The following SIPA1L2 variants were observed in gnomAD, a reference collection of about 807,000 sequenced individuals.
The protein encoded by SIPA1L2 is signal-induced proliferation-associated 1-like protein 2.
SIPA1L2 carries 56 observed loss-of-function variants against 163.9 expected under a neutral mutation model. That is an observed-to-expected ratio of 0.34 (90% CI 0.28 to 0.43). SIPA1L2 has a LOEUF of 0.43. Among genes scored for constraint, SIPA1L2 ranks in the 20% least tolerant of loss-of-function variants. The pLI is 1.00. For synonymous variants in SIPA1L2, 877 were observed against 865.7 expected, an observed-to-expected ratio of 1.01 and a Z score of -0.23; for missense variants, 1,974 against 2,193.5, an observed-to-expected ratio of 0.90 and a Z score of 2.00.
intron 1 of SIPA1L2, among the ~76,000 whole-genome samples, chr1:232,629,577 G>C (rs950157314): frequency 6.6e-6 from 1 of 152,226 alleles, no homozygotes; most frequent in African/African-American, 2.4e-5. Flanking sequence ...CCTCCTCAGT[G>C]CCTGTGTCGC....
intron 1 of SIPA1L2, among the ~76,000 whole-genome samples, chr1:232,629,251 C>T (rs1663239432): frequency 6.6e-6 from 1 of 152,170 alleles, no homozygotes; most frequent in South Asian, 2.1e-4. Context: ...TGTAGGTGTT[C>T]CCAGGGATAT....
chr1:232,524,035 T>C lies in SIPA1L2; in HGVS notation c.-269-8427A>G, dbSNP rs1165024255. On this transcript the variant is annotated intron_variant, in intron 2 of 22. Transcript: ENST00000674635. The stretch of plus-strand genomic sequence containing the variant: ...CACTACTCACACACACTGAAAGCCA[T>C]CTTTGCACTGTTCCCATATTTACTT... 3.3e-5 allele frequency among the ~76,000 whole-genome samples: 5 copies of C among 152,318 alleles called. No homozygotes were observed. The East Asian group carries it at 5.8e-4, about 18-fold the overall frequency.
At chr1:232,402,719 A>G (rs985866158) in intron 21 of SIPA1L2, 27 of 304,228 alleles carry the variant, frequency 8.9e-5, no homozygotes, top group Non-Finnish European at 1.4e-4. Flanking sequence ...AACAAAAGAT[A>G]TATTATTTAA....
Position 232,536,671 on chromosome 1 carries a change from G to C in SIPA1L2, c.-269-21063C>G, listed in dbSNP as rs184479343. ...GAAAAATAAAACAAACAAACAAAAC[G>C]ACAGAAGTTCTAAGTCTAATAAGCT... On this transcript the variant is annotated intron_variant, in intron 2 of 22. Transcript: ENST00000674635. Among the ~76,000 whole-genome samples, 72 of 152,184 alleles carry C rather than the reference G, an allele frequency of 4.7e-4. 1 individual carries two copies. Among genetic ancestry groups the C allele is most frequent in the Non-Finnish European group, 3.2e-4 (22 of 67,998 alleles).
chr1:232,586,764 G>A (rs1032189127), intron 1 of SIPA1L2, among the ~76,000 whole-genome samples: 13 of 152,174 alleles, frequency 8.5e-5, no homozygotes, highest in Non-Finnish European at 1.9e-4. Flanking sequence ...GTTACAATGC[G>A]AAACTGCTGG....
In SIPA1L2 at chr1:232,554,513, G is replaced by A. The variant is rs1658584823; in HGVS notation, c.-270+19661C>T. On this transcript the variant is annotated intron_variant, in intron 2 of 22. Transcript: ENST00000674635. ...TTTCCACAATGCTACCCTAAAAATA[G>A]TTCCCTTTAGTCTTTCTCAGGATAC... Among the ~76,000 whole-genome samples the A allele has an allele frequency of 3.9e-5, 6 of 152,194 alleles. No homozygotes were observed. In the South Asian group the frequency reaches 1.2e-3, roughly 31 times the overall value.
chr1:232,497,868 A>G (rs1666279936), intron 3 of SIPA1L2, among the ~76,000 whole-genome samples: 1 of 151,948 alleles, frequency 6.6e-6, no homozygotes, highest in African/African-American at 2.4e-5. Context: ...TCTCCTTTAC[A>G]TTCCTCAGTG....
intron 3 of SIPA1L2, among the ~76,000 whole-genome samples, chr1:232,510,472 C>A (rs952356819): frequency 3.9e-5 from 6 of 152,116 alleles, no homozygotes; most frequent in African/African-American, 1.4e-4. Context: ...CGTACATCCA[C>A]CCACAATTCA....
At chr1:232,425,846 T>C (rs1558166065) in intron 17 of SIPA1L2, 38 bp from the exon 18 acceptor site, 2 of 1,571,084 alleles carry the variant, frequency 1.3e-6, no homozygotes, top group Non-Finnish European at 1.7e-6. Context: ...GAACAGACAT[T>C]AAAAAAACGA....
At chr1:232,508,313 G>A in intron 3 of SIPA1L2, among the ~76,000 whole-genome samples, 1 of 152,124 alleles carries the variant, frequency 6.6e-6, no homozygotes, top group Non-Finnish European at 1.5e-5. Context: ...TCTGGTCTGG[G>A]TGGCATAAAG....
chr1:232,441,200 G>C, intron 14 of SIPA1L2, 91 bp downstream of exon 14: 1 of 953,302 alleles, frequency 1.0e-6, no homozygotes, highest in South Asian at 2.0e-5. Flanking sequence ...ATGTGCTCTT[G>C]AGCATCCCCA....
chr1:232,465,516 AT>A lies in SIPA1L2; in HGVS notation c.2244-101del. 2 of 608,192 alleles carry A rather than the reference AT, an allele frequency of 3.3e-6. No homozygotes were observed. Among genetic ancestry groups the A allele is most frequent in the Non-Finnish European group, 2.7e-6 (1 of 372,396 alleles). The allele number at this position is 608,192 out of a possible 1,614,324, so 37.7% of individuals were successfully genotyped here. A position where few individuals can be genotyped will look rare whatever the true frequency, so the allele number is the denominator to read the frequency against. Reference sequence around the variant, plus strand: ...TATATACACACACACACACATATACATACACACACACACACACATATACATA... The same window carrying A: ...TATATACACACACACACACATATACAACACACACACACACACATATACATA... On this transcript the variant is annotated intron_variant, in intron 8 of 22. Transcript: ENST00000674635. The surrounding 1 kb of genome is among the most constrained non-coding windows in gnomAD (Gnocchi z 4.1).
chr1:232,460,845 G>C (rs566573161), intron 10 of SIPA1L2, 42 bp downstream of exon 10: 11 of 1,590,020 alleles, frequency 6.9e-6, no homozygotes, highest in Non-Finnish European at 9.4e-6. Flanking sequence ...TGCTACAGAG[G>C]CAAAGGAGGA....
At chr1:232,461,222 CA>C (rs1664220109) in intron 9 of SIPA1L2, 61 bp from the exon 10 acceptor site, 1 of 1,576,552 alleles carries the variant, frequency 6.3e-7, no homozygotes, top group Non-Finnish European at 8.6e-7. Flanking sequence ...GGGGCTCTGC[CA>C]AAGGTGCACG....
intron 3 of SIPA1L2, among the ~76,000 whole-genome samples, chr1:232,499,808 C>T (rs1339855697): frequency 7.8e-6 from 1 of 127,630 alleles, no homozygotes; most frequent in Non-Finnish European, 1.6e-5. Flanking sequence ...AAAGGATAGG[C>T]TTGACTCTTG....
At chr1:232,436,395 A>G (rs1297687768) in intron 15 of SIPA1L2, among the ~76,000 whole-genome samples, 1 of 152,232 alleles carries the variant, frequency 6.6e-6, no homozygotes, top group Non-Finnish European at 1.5e-5. Context: ...TGTGAAGAAA[A>G]TAACACACGG....
chr1:232,405,702 G>A (rs142386832), intron 19 of SIPA1L2, among the ~76,000 whole-genome samples: 299 of 152,250 alleles, frequency 2.0e-3, no homozygotes, highest in African/African-American at 6.7e-3. Context: ...AAAAGGAATG[G>A]AAAAGAAAAT....
intron 19 of SIPA1L2, among the ~76,000 whole-genome samples, chr1:232,413,973 C>G (rs1661100867): frequency 6.6e-6 from 1 of 152,106 alleles, no homozygotes; most frequent in Admixed American, 6.5e-5. Context: ...TCCCTGTGCT[C>G]TGGTGCTGGG....
chr1:232,449,249 T>G (rs1663403403), intron 10 of SIPA1L2, among the ~76,000 whole-genome samples: 4 of 152,108 alleles, frequency 2.6e-5, no homozygotes, highest in African/African-American at 9.7e-5. Flanking sequence ...CCGGGCGCGG[T>G]GGCTCACGCC....
Sources: allele counts gnomAD v4.1 joint callset (sites outside exome capture counted in the v4.1 genomes callset), GRCh38; gene constraint gnomAD v4.1.1; non-coding constraint Gnocchi (gnomAD v3.1); transcripts MANE v1.5; gene names NCBI Gene and HGNC (gene_info 2026-07-23, HGNC 2026-07-21).